ZNF223: variants seen among roughly 807,000 people sequenced by gnomAD.
ZNF223 encodes zinc finger protein 223, also known as Homo sapiens zinc finger protein 223.
Under a neutral mutation model 12.3 loss-of-function variants are expected in ZNF223, and 9 were observed. That is an observed-to-expected ratio of 0.73 (90% CI 0.44 to 1.28). The LOEUF (loss-of-function observed/expected upper bound fraction) is 1.28. ZNF223 is among the 50% of genes most tolerant of loss of function. ZNF223 has a pLI of 0.00. For missense variants in ZNF223, 506 were observed against 579.0 expected, an observed-to-expected ratio of 0.87 and a Z score of 1.29; for synonymous variants, 171 against 195.2, an observed-to-expected ratio of 0.88 and a Z score of 1.03.
In ZNF223 at chr19:44,066,529, G is replaced by A; in HGVS notation, c.701G>A (p.Cys234Tyr). 6.2e-7 allele frequency: 1 copy of A among 1,614,192 alleles called. No individual in the cohort carries two copies. The highest frequency in any genetic ancestry group is 8.5e-7 in the Non-Finnish European group (1 of 1,180,044). ...CATACTGGAGAGAAACCTTTCAAAT[G>A]TGAACAATGTGGGAGAGGCTTCAGA... ...RVHTGEKPFK[C>Y]EQCGRGFRCR... The change falls in exon 5 of 5, where the codon TGT becomes TAT. Residue 234 changes from cysteine to tyrosine, a missense_variant. Coordinates refer to ENST00000434772, the MANE Select transcript of ZNF223 (RefSeq NM_013361.6).
Position 44,066,564 on chromosome 19 carries a change from G to C in ZNF223, c.736G>C (p.Ala246Pro), listed in dbSNP as rs768569539. 1 of 1,614,146 alleles carries C rather than the reference G, an allele frequency of 6.2e-7. No homozygotes were observed. The highest frequency in any genetic ancestry group is 8.5e-7 in the Non-Finnish European group (1 of 1,180,012). ...QCGRGFRCRS[A>P]LTVHCKLHMG... ...TGGGAGAGGCTTCAGATGTAGATCA[G>C]CACTTACAGTTCATTGCAAATTACA... is the stretch of plus-strand genomic sequence containing the variant. The change falls in exon 5 of 5, where the codon GCA becomes CCA. Residue 246 changes from alanine to proline, a missense_variant. Coordinates refer to ENST00000434772, the MANE Select transcript of ZNF223 (RefSeq NM_013361.6).
At chr19:44,064,613 A>G (rs1385710351) in intron 4 of ZNF223, among the ~76,000 whole-genome samples, 1 of 152,164 alleles carries the variant, frequency 6.6e-6, no homozygotes, top group Non-Finnish European at 1.5e-5. Flanking sequence ...AACTGCTCTC[A>G]CTTCACTCCA....
chr19:44,057,058 A>G (rs1268933384), intron 2 of ZNF223, among the ~76,000 whole-genome samples: 2 of 152,382 alleles, frequency 1.3e-5, no homozygotes, highest in East Asian at 3.9e-4. Context: ...TTGTAAAAGA[A>G]GAAATAGAGA....
chr19:44,055,299 G>A, intron 2 of ZNF223, 108 bp downstream of exon 2: 1 of 1,266,888 alleles, frequency 7.9e-7, no homozygotes, highest in South Asian at 1.2e-5. Flanking sequence ...AGGACTTTGA[G>A]GATCTCTTGT....
chr19:44,062,577 G>A (rs558752600), intron 4 of ZNF223, among the ~76,000 whole-genome samples: 10 of 151,288 alleles, frequency 6.6e-5, no homozygotes, highest in Non-Finnish European at 1.2e-4. Flanking sequence ...AACTTTCTTA[G>A]GTTTCCTTGA....
chr19:44,059,261 A>T (rs1205145926), intron 2 of ZNF223, among the ~76,000 whole-genome samples: 1 of 152,182 alleles, frequency 6.6e-6, no homozygotes, highest in Admixed American at 6.5e-5. Context: ...CATCCAGGTA[A>T]TCAAAGGAAC....
intron 2 of ZNF223, chr19:44,060,224 C>T: frequency 1.5e-6 from 1 of 678,516 alleles, no homozygotes; most frequent in South Asian, 2.2e-5. Flanking sequence ...AATGAGTTCA[C>T]TAAATAAGAC....
chr19:44,064,383 G>T (rs191660123), intron 4 of ZNF223, among the ~76,000 whole-genome samples: 1 of 152,266 alleles, frequency 6.6e-6, no homozygotes, highest in East Asian at 1.9e-4. Context: ...CAGCCTTTCA[G>T]ATTCCCCTCA....
intron 4 of ZNF223, among the ~76,000 whole-genome samples, chr19:44,065,138 A>G (rs1299236783): frequency 6.6e-6 from 1 of 152,136 alleles, no homozygotes; most frequent in African/African-American, 2.4e-5. Context: ...GTCAAGAGTT[A>G]CCCAAGATTT....
chr19:44,064,730 CA>C (rs1244467071), intron 4 of ZNF223, among the ~76,000 whole-genome samples: 2 of 152,194 alleles, frequency 1.3e-5, no homozygotes, highest in East Asian at 1.9e-4. Context: ...CTGATTTTTA[CA>C]AGCAAAAGAT....
Position 44,067,339 on chromosome 19 carries a change from A to G in ZNF223, c.*62A>G. The G allele has an allele frequency of 6.8e-7, 1 of 1,469,138 alleles. No homozygotes were observed. Among genetic ancestry groups the G allele is most frequent in the Non-Finnish European group, 9.3e-7 (1 of 1,073,062 alleles). 91.0% of individuals were successfully genotyped at this position (1,469,138 alleles called of 1,614,324 possible). A position where few individuals can be genotyped will look rare whatever the true frequency, so the allele number is the denominator to read the frequency against. On this transcript the variant is annotated 3_prime_UTR_variant, in exon 5 of 5. Transcript: ENST00000434772. ...AAATATATGTATATGATGTATAATGATCAAATCAGTGTAATTAGCACATTT... is the reference window on the plus strand; with the variant it reads ...AAATATATGTATATGATGTATAATGGTCAAATCAGTGTAATTAGCACATTT...
At chr19:44,062,204 A>G (rs938384429) in intron 4 of ZNF223, among the ~76,000 whole-genome samples, 1 of 152,240 alleles carries the variant, frequency 6.6e-6, no homozygotes, top group African/African-American at 2.4e-5. Flanking sequence ...CTTGGAAGCC[A>G]TAGGGGTTTG....
In ZNF223 at chr19:44,067,409, C is replaced by G. The variant is rs1378958065; in HGVS notation, c.*132C>G. The G allele has an allele frequency of 1.8e-6, 2 of 1,099,142 alleles. No homozygotes were observed. Among genetic ancestry groups the G allele is most frequent in the African/African-American group, 1.6e-5 (1 of 64,308 alleles). 68.1% of individuals were successfully genotyped at this position (1,099,142 alleles called of 1,614,324 possible). ...TTTTGTGTTGAGAAAATTAAAAATT[C>G]ATTGTTCCAGCAGTTTGAAAATAAA... is the stretch of plus-strand genomic sequence containing the variant. On this transcript the variant is annotated 3_prime_UTR_variant, in exon 5 of 5. Coordinates refer to ENST00000434772, the MANE Select transcript of ZNF223 (RefSeq NM_013361.6).
chr19:44,055,191 G>A lies in ZNF223; in HGVS notation c.15G>A (p.Lys5=). The change falls in exon 2 of 5, where the codon AAG becomes AAA. Residue 5 remains lysine, a splice_region_variant and synonymous_variant. Coordinates refer to ENST00000434772, the MANE Select transcript of ZNF223 (RefSeq NM_013361.6). MTMS[K]EAVTFKDVAV... is the part of the protein sequence containing the mutation. Reference sequence around the variant, plus strand: ...TAGGAGGAAAAATGACCATGTCCAAGGTAAGTAGGACTTGCCTCTCTTACT... The same window carrying A: ...TAGGAGGAAAAATGACCATGTCCAAAGTAAGTAGGACTTGCCTCTCTTACT... The A allele has an allele frequency of 6.2e-7, 1 of 1,612,968 alleles. No homozygotes were observed. Among genetic ancestry groups the A allele is most frequent in the South Asian group, 1.1e-5 (1 of 91,036 alleles).
intron 4 of ZNF223, among the ~76,000 whole-genome samples, chr19:44,062,947 C>T (rs73558203): frequency 0.029 from 4,488 of 152,198 alleles, 214 homozygotes; most frequent in African/African-American, 0.1. Flanking sequence ...CAAAAATGTG[C>T]GTATTTCCCT....
In ZNF223 at chr19:44,066,799, G is replaced by A; in HGVS notation, c.971G>A (p.Gly324Asp). 4 of 1,614,180 alleles carry A rather than the reference G, an allele frequency of 2.5e-6. No individual in the cohort carries two copies. Among genetic ancestry groups the A allele is most frequent in the Non-Finnish European group, 1.7e-6 (2 of 1,180,036 alleles). The change falls in exon 5 of 5, where the codon GGC becomes GAC. Residue 324 changes from glycine (G) to aspartate (D), a missense_variant. Coordinates refer to ENST00000434772, the MANE Select transcript of ZNF223 (RefSeq NM_013361.6). ...KPNSTGEYGKGFIRRLDLCKH... is the reference protein window; with the variant it reads ...KPNSTGEYGKDFIRRLDLCKH... ...AACAGCACTGGGGAATATGGAAAAG[G>A]CTTCATTCGTAGGCTGGATTTGTGT...
At chr19:44,051,920 G>A (rs1976705087), upstream of ZNF223, 1 of 152,266 alleles carries the variant, frequency 6.6e-6, no homozygotes, top group Admixed American at 6.5e-5. Context: ...TTCTGGGAAC[G>A]ATAGTCCAGA....
rs1164068250 is a variant in ZNF223 at position 44,067,246 on chromosome 19, T to C, written c.1418T>C (p.Ile473Thr). ...KRYKRRLNLD[I>T]ILSLFLNDT ...TACAAGAGGCGCTTGAATCTTGATATAATTTTATCATTATTTTTAAATGAC... is the reference window on the plus strand; with the variant it reads ...TACAAGAGGCGCTTGAATCTTGATACAATTTTATCATTATTTTTAAATGAC... The change falls in exon 5 of 5, where the codon ATA (isoleucine) becomes ACA (threonine). Residue 473 changes from isoleucine to threonine, a missense_variant. Transcript: ENST00000434772. 5 of 1,607,846 alleles carry C rather than the reference T, an allele frequency of 3.1e-6. No homozygotes were observed. In the East Asian group the frequency reaches 1.1e-4, roughly 36 times the overall value.
intron 2 of ZNF223, among the ~76,000 whole-genome samples, chr19:44,056,788 C>G (rs969143136): frequency 6.6e-6 from 1 of 151,314 alleles, no homozygotes; most frequent in Non-Finnish European, 1.5e-5. Context: ...TTAGTAGAGA[C>G]GGGGTTTCAC....
Sources: allele counts gnomAD v4.1 joint callset (sites outside exome capture counted in the v4.1 genomes callset), GRCh38; gene constraint gnomAD v4.1.1; transcripts MANE v1.5; gene names NCBI Gene and HGNC (gene_info 2026-07-23, HGNC 2026-07-21).